LRP12: variants seen among roughly 807,000 people sequenced by gnomAD.
The protein encoded by LRP12 is LDL receptor related protein 12, also known as low-density lipoprotein receptor-related protein 12.
A neutral mutation model predicts 66.0 loss-of-function variants in LRP12; 14 were observed. The ratio of observed to expected loss-of-function variants is 0.21; its 90% CI spans 0.14 to 0.33. The LOEUF is 0.33. Ranked by LOEUF, LRP12 falls within the 10% of genes least tolerant of loss-of-function variation. LRP12 has a pLI of 1.00. For synonymous variants in LRP12, 357 were observed against 359.1 expected, an observed-to-expected ratio of 0.99 and a Z score of 0.07; for missense variants, 889 against 1,053.4, an observed-to-expected ratio of 0.84 and a Z score of 2.16.
chr8:104,547,218 TTC>T lies in LRP12; in HGVS notation c.80-15257_80-15256del, dbSNP rs1215096317. On this transcript the variant is annotated intron_variant, in intron 1 of 6. Coordinates refer to ENST00000276654, the MANE Select transcript of LRP12 (RefSeq NM_013437.5). ...ATCATATTTTGTATATAATATACAA[TTC>T]TGTTATATTTTGTATATAATATACA... Among the ~76,000 whole-genome samples the T allele has an allele frequency of 7.7e-4, 107 of 138,794 alleles. 1 individual carries two copies. The highest frequency in any genetic ancestry group is 3.5e-3 in the East Asian group (17 of 4,806). 91.1% of individuals were successfully genotyped at this position (138,794 alleles called of 152,430 possible).
At position 104,499,334 on chromosome 8, in the gene LRP12, C is replaced by G. The variant is rs1810787648; in HGVS notation, c.458G>C (p.Arg153Thr). 3 of 1,612,674 alleles carry G rather than the reference C, an allele frequency of 1.9e-6. No homozygotes were observed. Among genetic ancestry groups the G allele is most frequent in the Admixed American group, 1.7e-5 (1 of 59,770 alleles). ...AAACACACCTGAAAAATATGCCAGT[C>G]TGAAACCCTTTCTAGAGATGTTGTC... ...SDDNISRKGF[R>T]LAYFSGKSEE... is the part of the protein sequence containing the mutation. The change falls in exon 4 of 7, where the codon AGA becomes ACA. Residue 153 changes from arginine to threonine, a missense_variant. By Grantham distance (71) the Arg-to-Thr change is moderately conservative (BLOSUM62 -1). Transcript: ENST00000276654.
chr8:104,508,869 G>A (rs1461896041), intron 3 of LRP12, 70 bp downstream of exon 3: 2 of 1,374,780 alleles, frequency 1.5e-6, no homozygotes, highest in East Asian at 2.5e-5. Flanking sequence ...TGCATGTTAA[G>A]TAATAATAAA....
chr8:104,526,028 A>G (rs1174854770), intron 2 of LRP12, among the ~76,000 whole-genome samples: 1 of 152,224 alleles, frequency 6.6e-6, no homozygotes, highest in Non-Finnish European at 1.5e-5. Flanking sequence ...GCATTCTTAT[A>G]CACCAATAAC....
At chr8:104,542,150 C>T (rs1402146520) in intron 1 of LRP12, among the ~76,000 whole-genome samples, 4 of 152,166 alleles carry the variant, frequency 2.6e-5, no homozygotes, top group African/African-American at 7.2e-5. Context: ...ACATCCTTGA[C>T]AACATTTGTT....
chr8:104,576,080 G>C (rs890785570), intron 1 of LRP12, among the ~76,000 whole-genome samples: 1 of 152,114 alleles, frequency 6.6e-6, no homozygotes, highest in African/African-American at 2.4e-5. Context: ...AAAAAAGAAT[G>C]AATAGGAACA....
chr8:104,491,097 A>G lies in LRP12; in HGVS notation c.2156T>C (p.Val719Ala). ...RDVTSVEPPS[V>A]SPARHQLTSA... The stretch of plus-strand genomic sequence containing the variant: ...TGTAAGCTGGTGACGTGCTGGACTC[A>G]CACTTGGGGGTTCCACACTTGTCAC... The change falls in exon 7 of 7, where the codon GTG (valine) becomes GCG (alanine). Residue 719 changes from valine to alanine, a missense_variant. Transcript: ENST00000276654. 2.5e-6 allele frequency: 4 copies of G among 1,614,062 alleles called. No individual in the cohort carries two copies. Among genetic ancestry groups the G allele is most frequent in the Non-Finnish European group, 3.4e-6 (4 of 1,180,008 alleles).
Position 104,497,891 on chromosome 8 carries a change from G to A in LRP12, c.661C>T (p.Gln221Ter). ...AFQPCAYNQF[Q>*]CLSRFTKVYT... ...ACTTTGGTAAAACGGGATAAACACT[G>A]GAACTGGTTGTAAGCACAGGGTTGA... The change falls in exon 5 of 7, where the codon CAG becomes TAG. Residue 221 changes from glutamine to a stop codon, truncating the protein, a stop_gained. Coordinates refer to ENST00000276654, the MANE Select transcript of LRP12 (RefSeq NM_013437.5). LOFTEE classifies it high-confidence loss of function. This position sits in a 1 kb window ranked among gnomAD's most constrained non-coding sequence, Gnocchi z 4.3. 2 of 1,614,164 alleles carry A rather than the reference G, an allele frequency of 1.2e-6. No individual in the cohort carries two copies. The highest frequency in any genetic ancestry group is 1.7e-6 in the Non-Finnish European group (2 of 1,180,030).
intron 1 of LRP12, among the ~76,000 whole-genome samples, chr8:104,541,154 A>AACT: frequency 6.6e-6 from 1 of 152,348 alleles, no homozygotes; most frequent in Middle Eastern, 3.4e-3. Context: ...AATGACAACG[A>AACT]ACTACTATAT....
At chr8:104,566,214 T>C (rs565818762) in intron 1 of LRP12, 23 of 675,176 alleles carry the variant, frequency 3.4e-5, no homozygotes, top group African/African-American at 1.5e-4. Context: ...ATGCAGCACA[T>C]AGAAAGTATA....
At chr8:104,534,166 G>A (rs953650350) in intron 1 of LRP12, among the ~76,000 whole-genome samples, 2 of 151,334 alleles carry the variant, frequency 1.3e-5, no homozygotes, top group African/African-American at 4.9e-5. Context: ...AATTATATAT[G>A]TACTAACTTG....
At chr8:104,535,531 A>G (rs1342102425) in intron 1 of LRP12, among the ~76,000 whole-genome samples, 1 of 151,994 alleles carries the variant, frequency 6.6e-6, no homozygotes, top group African/African-American at 2.4e-5. Flanking sequence ...TTATTTAAGA[A>G]CTAAAGTTCT....
intron 1 of LRP12, among the ~76,000 whole-genome samples, chr8:104,572,931 C>A (rs2140895346): frequency 6.6e-6 from 1 of 152,256 alleles, no homozygotes; most frequent in East Asian, 1.9e-4. Context: ...AGAGATAAAT[C>A]ATGTATTCTA....
intron 1 of LRP12, 23 bp downstream of exon 1, chr8:104,588,796 G>C (rs748062162): frequency 1.2e-6 from 2 of 1,609,472 alleles, no homozygotes; most frequent in Non-Finnish European, 1.7e-6. Context: ...CGGTCAGCGG[G>C]GCGCGGGGAC....
At chr8:104,507,938 A>T (rs1810933353) in intron 3 of LRP12, 1 of 152,218 alleles carries the variant, frequency 6.6e-6, no homozygotes. Flanking sequence ...ATGAAAAAAG[A>T]TGAGAAAGTA....
intron 2 of LRP12, among the ~76,000 whole-genome samples, chr8:104,526,691 T>A (rs1001865403): frequency 1.4e-5 from 2 of 146,066 alleles, no homozygotes; most frequent in Non-Finnish European, 3.0e-5. Context: ...TCAAGATGGA[T>A]TAAAGACTTA....
intron 2 of LRP12, among the ~76,000 whole-genome samples, chr8:104,511,455 TC>T (rs1810996103): frequency 6.6e-6 from 1 of 152,004 alleles, no homozygotes; most frequent in South Asian, 2.1e-4. Context: ...GCGCAGGTGA[TC>T]CTCTTGCCTC....
chr8:104,526,065 C>T (rs367606142), intron 2 of LRP12, among the ~76,000 whole-genome samples: 3,160 of 152,080 alleles, frequency 0.021, 91 homozygotes, highest in African/African-American at 0.061. Flanking sequence ...AAATCATGAG[C>T]GAACTCCCAT....
At chr8:104,586,775 T>C (rs1412519704) in intron 1 of LRP12, among the ~76,000 whole-genome samples, 1 of 151,986 alleles carries the variant, frequency 6.6e-6, no homozygotes, top group Non-Finnish European at 1.5e-5. Flanking sequence ...AGTTCCAGGG[T>C]GAAGGGTTCC....
Position 104,490,968 on chromosome 8 carries a change from T to C in LRP12, c.2285A>G (p.Asn762Ser). 6.2e-7 allele frequency: 1 copy of C among 1,613,974 alleles called. No individual in the cohort carries two copies. The highest frequency in any genetic ancestry group is 1.1e-5 in the South Asian group (1 of 91,078). Residue 762 changes from asparagine (N) to serine (S), a missense_variant, in exon 7 of 7, where the codon AAT (asparagine) becomes AGT (serine). Physicochemically the swap from Asn to Ser is conservative, Grantham distance 46. Coordinates refer to ENST00000276654, the MANE Select transcript of LRP12 (RefSeq NM_013437.5). ...QNQSPLRQLD[N>S]GVSGREDDDD... is the part of the protein sequence containing the mutation. ...ATCATCTTCTCTTCCACTTACCCCA[T>C]TATCAAGTTGTCTCAAAGGACTCTG...
Sources: allele counts gnomAD v4.1 joint callset (sites outside exome capture counted in the v4.1 genomes callset), GRCh38; gene constraint gnomAD v4.1.1; non-coding constraint Gnocchi (gnomAD v3.1); transcripts MANE v1.5; gene names NCBI Gene and HGNC (gene_info 2026-07-23, HGNC 2026-07-21).